The following TEX2 variants were observed in gnomAD, a reference collection of about 807,000 sequenced individuals.
TEX2 encodes testis expressed 2, also known as testis-expressed protein 2.
Under a neutral mutation model 106.9 loss-of-function variants are expected in TEX2, and 53 were observed. The ratio of observed to expected loss-of-function variants is 0.50; its 90% CI spans 0.40 to 0.62. The LOEUF (loss-of-function observed/expected upper bound fraction) is 0.62, where lower values mean the gene tolerates loss of function less well. TEX2 is among the 20% of genes least tolerant of loss of function. The probability of loss-of-function intolerance (pLI) is 0.00; values close to 1 mark genes in which losing one functional copy is unlikely to be tolerated. For synonymous variants in TEX2, 523 were observed against 534.8 expected (o/e 0.98, Z 0.30); for missense variants, 1,207 against 1,379.0 (o/e 0.88, Z 1.98).
chr17:64,148,989 CCA>C lies in TEX2; in HGVS notation c.3362_3363del (p.Val1121GlyfsTer4). 1 of 1,614,238 alleles carries C rather than the reference CCA, an allele frequency of 6.2e-7. No homozygotes were observed. The highest frequency in any genetic ancestry group is 8.5e-7 in the Non-Finnish European group (1 of 1,180,046). ...ACCCATCATGGCTGATCAGCAGCCT[CCA>C]CAGGTGGGTCTTTCAGGAGGCAGGA... Reference protein sequence around the residue: ...STSCLLKDPPVEAADQP With the variant: ...STSCLLKDPPXEAADQP On this transcript the variant is annotated frameshift_variant, in exon 12 of 12. Transcript: ENST00000584379. LOFTEE classifies it high-confidence loss of function.
intron 5 of TEX2, among the ~76,000 whole-genome samples, chr17:64,183,434 C>T (rs2031958023): frequency 6.6e-6 from 1 of 151,818 alleles, no homozygotes; most frequent in Non-Finnish European, 1.5e-5. Context: ...TTCTTTCTTT[C>T]TTTCTTTTTT....
chr17:64,181,032 T>G (rs561137346), intron 5 of TEX2, among the ~76,000 whole-genome samples: 3 of 152,316 alleles, frequency 2.0e-5, no homozygotes, highest in South Asian at 2.1e-4. Context: ...TTTCCCTTGA[T>G]TATAAAAACA....
At chr17:64,207,334 A>T (rs1555630874) in intron 2 of TEX2, among the ~76,000 whole-genome samples, 1 of 152,094 alleles carries the variant, frequency 6.6e-6, no homozygotes, top group Non-Finnish European at 1.5e-5. Flanking sequence ...TCATATATGG[A>T]GTCCTCTTAG....
chr17:64,219,366 C>A (rs1300305312), intron 1 of TEX2, among the ~76,000 whole-genome samples: 1 of 151,866 alleles, frequency 6.6e-6, no homozygotes, highest in African/African-American at 2.4e-5. Flanking sequence ...ATCAGCTGGA[C>A]GTGGTGGCGC....
chr17:64,171,250 C>T (rs1236500414), intron 6 of TEX2, 51 bp from the exon 7 acceptor site: 1 of 1,469,820 alleles, frequency 6.8e-7, no homozygotes, highest in African/African-American at 1.4e-5. Context: ...ACCTACAAAA[C>T]ATGCTGTTGC....
chr17:64,196,982 ATTTTTTTT>A lies in TEX2; in HGVS notation c.1645-1895_1645-1888del, dbSNP rs59960456. ...GAAATCAGGGAATAGTCAAATCAAGATTTTTTTTTTTTTTTTTTTTTTTTGGAGAGCCA... is the reference window on the plus strand; with the variant it reads ...GAAATCAGGGAATAGTCAAATCAAGATTTTTTTTTTTTTTTTGGAGAGCCA... On this transcript the variant is annotated intron_variant, in intron 2 of 11. Transcript: ENST00000584379. 4.4e-4 allele frequency among the ~76,000 whole-genome samples: 28 copies of A among 63,580 alleles called. 1 individual carries two copies. The highest frequency in any genetic ancestry group is 1.3e-3 in the East Asian group (2 of 1,570). The allele number at this position is 63,580 out of a possible 152,430, so 41.7% of individuals were successfully genotyped here. A position where few individuals can be genotyped will look rare whatever the true frequency, so the allele number is the denominator to read the frequency against.
chr17:64,222,518 C>CAAAAAAAAAAAAAAAAAAA (rs11296538), intron 1 of TEX2, among the ~76,000 whole-genome samples: 1 of 99,150 alleles, frequency 1.0e-5, no homozygotes, highest in Non-Finnish European at 2.1e-5. Context: ...TTCCAACTCA[C>CAAAAAAAAAAAAAAAAAAA]AAAAAAAAAA....
intron 1 of TEX2, among the ~76,000 whole-genome samples, chr17:64,259,588 C>T (rs756443389): frequency 6.6e-6 from 1 of 152,190 alleles, no homozygotes. Context: ...AAGGATAGTG[C>T]TCTAGGCAAA....
intron 8 of TEX2, 28 bp from the exon 9 acceptor site, chr17:64,154,995 G>T (rs1264432782): frequency 1.3e-6 from 2 of 1,532,826 alleles, no homozygotes. Flanking sequence ...CACCACCACT[G>T]CCTGCCCTCA....
At chr17:64,236,043 T>C (rs1261268695) in intron 1 of TEX2, among the ~76,000 whole-genome samples, 1 of 152,162 alleles carries the variant, frequency 6.6e-6, no homozygotes, top group Non-Finnish European at 1.5e-5. Flanking sequence ...ACACAGATTT[T>C]TCCCTATGTA....
intron 1 of TEX2, among the ~76,000 whole-genome samples, chr17:64,219,922 G>A (rs1310951999): frequency 6.6e-6 from 1 of 152,220 alleles, no homozygotes; most frequent in African/African-American, 2.4e-5. Flanking sequence ...AGATTTTGCA[G>A]ATATGATTGA....
At chr17:64,219,276 T>C (rs2033279415) in intron 1 of TEX2, among the ~76,000 whole-genome samples, 1 of 151,922 alleles carries the variant, frequency 6.6e-6, no homozygotes, top group Admixed American at 6.6e-5. Context: ...GAGGCTGAGG[T>C]GGGTGGATCC....
chr17:64,207,246 C>T (rs190327521), intron 2 of TEX2, among the ~76,000 whole-genome samples: 139 of 152,274 alleles, frequency 9.1e-4, no homozygotes, highest in East Asian at 3.9e-3. Context: ...AGAACTTATA[C>T]GGCTCAGAGG....
At chr17:64,194,792 G>T in intron 3 of TEX2, 103 bp downstream of exon 3, 1 of 1,119,028 alleles carries the variant, frequency 8.9e-7, no homozygotes, top group Non-Finnish European at 1.3e-6. Context: ...ACTGTTCAAC[G>T]ACCACAAACC....
intron 2 of TEX2, 36 bp downstream of exon 2, chr17:64,212,538 G>T: frequency 6.5e-7 from 1 of 1,538,090 alleles, no homozygotes; most frequent in South Asian, 1.2e-5. Flanking sequence ...TATGTGAGAA[G>T]TGTGTGTACT....
chr17:64,189,199 G>A (rs958949234), intron 4 of TEX2, among the ~76,000 whole-genome samples: 5 of 152,180 alleles, frequency 3.3e-5, no homozygotes, highest in Non-Finnish European at 5.9e-5. Context: ...TTGAACTCAC[G>A]CACCTAAGCA....
At position 64,148,113 on chromosome 17, in the gene TEX2, G is replaced by A. The variant is rs117848437; in HGVS notation, c.*856C>T. On this transcript the variant is annotated 3_prime_UTR_variant, in exon 12 of 12. Coordinates refer to ENST00000584379, the MANE Select transcript of TEX2 (RefSeq NM_001288732.2). ...CCCAATCAGATTAACAAACTGTTTCGATTCCCATATAAACCTGGAGGACAC... is the reference window on the plus strand; with the variant it reads ...CCCAATCAGATTAACAAACTGTTTCAATTCCCATATAAACCTGGAGGACAC... 2,316 of 152,620 alleles carry A rather than the reference G, an allele frequency of 0.015. 40 individuals are homozygous for A. The highest frequency in any genetic ancestry group is 0.031 in the Middle Eastern group (9 of 294). The allele number at this position is 152,620 out of a possible 1,614,324, so 9.5% of individuals were successfully genotyped here.
intron 4 of TEX2, among the ~76,000 whole-genome samples, chr17:64,192,411 G>A (rs1446798338): frequency 6.6e-6 from 1 of 152,194 alleles, no homozygotes; most frequent in African/African-American, 2.4e-5. Context: ...TGCGGCTGCG[G>A]GCCAAGTATT....
At chr17:64,208,788 C>T (rs1399917780) in intron 2 of TEX2, among the ~76,000 whole-genome samples, 1 of 151,894 alleles carries the variant, frequency 6.6e-6, no homozygotes, top group Non-Finnish European at 1.5e-5. Context: ...CCATACCTGG[C>T]TAATTATTTT....
Sources: allele counts gnomAD v4.1 joint callset (sites outside exome capture counted in the v4.1 genomes callset), GRCh38; gene constraint gnomAD v4.1.1; transcripts MANE v1.5; gene names NCBI Gene and HGNC (gene_info 2026-07-23, HGNC 2026-07-21).